Variants in KCNJ16 observed in about 807,000 individuals in gnomAD.
KCNJ16 encodes the protein potassium inwardly rectifying channel subfamily J member 16.
In KCNJ16, 15 loss-of-function variants were observed where a neutral mutation model predicts 18.5. That is an observed-to-expected ratio of 0.81 (90% CI 0.54 to 1.25). KCNJ16 has a LOEUF of 1.25. Among genes scored for constraint, KCNJ16 ranks in the 50% most tolerant of loss-of-function variants. The pLI, the probability that KCNJ16 is intolerant of heterozygous loss-of-function variation, is 0.00. For missense variants in KCNJ16, 523 were observed against 525.7 expected, an observed-to-expected ratio of 0.99 and a Z score of 0.05; for synonymous variants, 174 against 186.5, an observed-to-expected ratio of 0.93 and a Z score of 0.55.
intron 1 of KCNJ16, among the ~76,000 whole-genome samples, chr17:70,077,915 C>G (rs1231012161): frequency 6.6e-6 from 1 of 152,020 alleles, no homozygotes; most frequent in Non-Finnish European, 1.5e-5. Context: ...ATGAAGAATG[C>G]TTTCCTATAC....
chr17:70,132,586 G>A lies in KCNJ16; in HGVS notation c.499G>A (p.Ala167Thr). 1 of 1,614,214 alleles carries A rather than the reference G, an allele frequency of 6.2e-7. No individual in the cohort carries two copies. ...CATCATAAATACCTTTATCATTGGA[G>A]CTGCCTTGGCCAAAATGGCAACTGC... ...SCIINTFIIG[A>T]ALAKMATARK... Residue 167 changes from alanine (A) to threonine (T), a missense_variant, in exon 4 of 4, where the codon GCT (alanine) becomes ACT (threonine). Physicochemically the swap from Ala to Thr is moderately conservative, Grantham distance 58. Coordinates refer to ENST00000392671, the MANE Select transcript of KCNJ16 (RefSeq NM_170741.4).
chr17:70,097,471 G>A lies in KCNJ16; in HGVS notation c.-299-3187G>A, dbSNP rs2072432178. Reference sequence around the variant, plus strand: ...AATTAGAGGAGGAGGTCAGGAGCAGGAGGATGGAGAAATAAGAGCTCCATC... The same window carrying A: ...AATTAGAGGAGGAGGTCAGGAGCAGAAGGATGGAGAAATAAGAGCTCCATC... On this transcript the variant is annotated intron_variant, in intron 1 of 3. Transcript: ENST00000392671. Among the ~76,000 whole-genome samples the A allele has an allele frequency of 2.0e-5, 3 of 152,164 alleles. No individual in the cohort carries two copies. In the South Asian group the frequency reaches 6.2e-4, roughly 32 times the overall value.
chr17:70,115,222 T>C (rs990828983), intron 2 of KCNJ16, among the ~76,000 whole-genome samples: 6 of 152,126 alleles, frequency 3.9e-5, no homozygotes, highest in Non-Finnish European at 7.4e-5. Flanking sequence ...TGCAAGATGT[T>C]CTCTTAGAAT....
At chr17:70,079,372 T>A (rs543145045) in intron 1 of KCNJ16, among the ~76,000 whole-genome samples, 16 of 152,286 alleles carry the variant, frequency 1.1e-4, no homozygotes, top group African/African-American at 3.9e-4. Context: ...TTTCTCAAAG[T>A]CTACAGATGA....
At chr17:70,084,712 A>T (rs74827795) in intron 1 of KCNJ16, among the ~76,000 whole-genome samples, 2,170 of 152,250 alleles carry the variant, frequency 0.014, 63 homozygotes, top group African/African-American at 0.05. Flanking sequence ...TGATTTTGCT[A>T]ATCCACCAAC....
chr17:70,099,227 T>C (rs2072517603), intron 1 of KCNJ16, among the ~76,000 whole-genome samples: 1 of 152,156 alleles, frequency 6.6e-6, no homozygotes, highest in African/African-American at 2.4e-5. Context: ...AGTGACAGAT[T>C]CAACAATCAC....
At chr17:70,105,058 TCA>T (rs1349234650) in intron 2 of KCNJ16, 1 of 152,550 alleles carries the variant, frequency 6.6e-6, no homozygotes, top group Non-Finnish European at 1.5e-5. Flanking sequence ...GATCTGCACT[TCA>T]TCATCTTTCA....
chr17:70,091,460 G>A (rs567586661), intron 1 of KCNJ16, among the ~76,000 whole-genome samples: 1 of 152,202 alleles, frequency 6.6e-6, no homozygotes, highest in East Asian at 1.9e-4. Flanking sequence ...GCATTTACAG[G>A]GGTCAAAGAA....
chr17:70,094,647 T>G (rs2072270583), intron 1 of KCNJ16, among the ~76,000 whole-genome samples: 1 of 152,212 alleles, frequency 6.6e-6, no homozygotes, highest in Non-Finnish European at 1.5e-5. Flanking sequence ...ATTTTCTTAA[T>G]TTTTTGTGAT....
chr17:70,085,009 T>C (rs926318661), intron 1 of KCNJ16, among the ~76,000 whole-genome samples: 2 of 152,180 alleles, frequency 1.3e-5, no homozygotes, highest in African/African-American at 4.8e-5. Flanking sequence ...GGCTACTTAG[T>C]TGGGTAGATT....
chr17:70,118,714 G>C (rs8074090), intron 2 of KCNJ16, among the ~76,000 whole-genome samples: 77,976 of 151,890 alleles, frequency 0.51, 22,056 homozygotes, highest in African/African-American at 0.77. Flanking sequence ...CCCCCATGAT[G>C]AAAACACAAA....
intron 2 of KCNJ16, among the ~76,000 whole-genome samples, chr17:70,120,300 CATCT>C (rs965747768): frequency 7.2e-5 from 11 of 152,300 alleles, no homozygotes; most frequent in Middle Eastern, 3.4e-3. Context: ...AACTTTCCCT[CATCT>C]TTCTGTCTTC....
chr17:70,131,613 A>G (rs1021063494), intron 3 of KCNJ16: 15 of 364,886 alleles, frequency 4.1e-5, no homozygotes, highest in African/African-American at 6.6e-5. Flanking sequence ...TGCTAGACAC[A>G]TATCTGAATT....
chr17:70,083,321 CTATA>C (rs1425428745), intron 1 of KCNJ16, among the ~76,000 whole-genome samples: 1 of 146,686 alleles, frequency 6.8e-6, no homozygotes, highest in African/African-American at 2.5e-5. Context: ...TAGATATATA[CTATA>C]TAGACAGTTA....
chr17:70,121,652 G>A (rs544849613), intron 2 of KCNJ16, among the ~76,000 whole-genome samples: 1 of 152,288 alleles, frequency 6.6e-6, no homozygotes, highest in South Asian at 2.1e-4. Context: ...AAAGAGGGCT[G>A]CGTGTAGTGG....
chr17:70,133,977 G>A lies in KCNJ16; in HGVS notation c.*633G>A, dbSNP rs1481315329. The A allele has an allele frequency of 6.0e-6, 1 of 167,076 alleles. No individual in the cohort carries two copies. The highest frequency in any genetic ancestry group is 2.4e-5 in the African/African-American group (1 of 41,428). 10.3% of individuals were successfully genotyped at this position (167,076 alleles called of 1,614,324 possible). On this transcript the variant is annotated 3_prime_UTR_variant, in exon 4 of 4. Transcript: ENST00000392671. ...AGGTAGTGATCAGTGAGAGTTAGAA[G>A]CAATTTTTTCTCTAACCGATGAGGC...
Position 70,132,514 on chromosome 17 carries a change from T to C in KCNJ16, c.427T>C (p.Cys143Arg), listed in dbSNP as rs1468756224. Reference sequence around the variant, plus strand: ...TGGTTATCGCTGTGTTACTGAAGAATGTTCTGTGGCCGTGCTCATGGTGAT... The same window carrying C: ...TGGTTATCGCTGTGTTACTGAAGAACGTTCTGTGGCCGTGCTCATGGTGAT... ...GYGYRCVTEE[C>R]SVAVLMVILQ... The change falls in exon 4 of 4, where the codon TGT becomes CGT. Residue 143 changes from cysteine to arginine, a missense_variant. By Grantham distance (180) the Cys-to-Arg change is radical. Coordinates refer to ENST00000392671, the MANE Select transcript of KCNJ16 (RefSeq NM_170741.4). 1 of 1,614,222 alleles carries C rather than the reference T, an allele frequency of 6.2e-7. No individual in the cohort carries two copies.
At chr17:70,084,335 T>C (rs2071694970) in intron 1 of KCNJ16, among the ~76,000 whole-genome samples, 1 of 152,132 alleles carries the variant, frequency 6.6e-6, no homozygotes. Flanking sequence ...GATAGAGACA[T>C]TGTCCCTGAC....
chr17:70,091,239 A>G (rs1236958393), intron 1 of KCNJ16, among the ~76,000 whole-genome samples: 1 of 152,184 alleles, frequency 6.6e-6, no homozygotes, highest in East Asian at 1.9e-4. Context: ...ATCATCTGTC[A>G]CCATTTCCCA....
Sources: gnomAD v4.1 joint callset for allele counts (sites outside exome capture counted in the v4.1 genomes callset) on GRCh38, gnomAD v4.1.1 for gene constraint, MANE v1.5 for transcripts, NCBI Gene and HGNC (gene_info 2026-07-23, HGNC 2026-07-21) for gene names.